Variants in DGKI observed in about 807,000 individuals in gnomAD.
DGKI encodes the protein DAG kinase iota.
A neutral mutation model predicts 147.5 loss-of-function variants in DGKI; 55 were observed. That is an observed-to-expected ratio of 0.37 (90% CI 0.30 to 0.47). DGKI has a LOEUF of 0.47. Ranked by LOEUF, DGKI falls within the 20% of genes least tolerant of loss-of-function variation. The pLI is 1.00. For missense variants in DGKI, 1,007 were observed against 1,323.8 expected (o/e 0.76, Z 3.71); for synonymous variants, 469 against 477.1 (o/e 0.98, Z 0.22).
In DGKI at chr7:137,418,231, T is replaced by C. The variant is rs1812430784; in HGVS notation, c.2762-6024A>G. 2.0e-5 allele frequency among the ~76,000 whole-genome samples: 3 copies of C among 152,196 alleles called. No homozygotes were observed. The South Asian group carries it at 6.2e-4, about 32-fold the overall frequency. ...TGCTATGACCTTGGGCAAGTTAGTT[T>C]ACCAAGCTCCAGTTCTATCAGTGGA... is the stretch of plus-strand genomic sequence containing the variant. On this transcript the variant is annotated intron_variant, in intron 28 of 32. Coordinates refer to ENST00000614521, the MANE Select transcript of DGKI (RefSeq NM_001321708.2).
chr7:137,553,314 T>C (rs1038529681), intron 19 of DGKI, among the ~76,000 whole-genome samples: 4 of 152,234 alleles, frequency 2.6e-5, no homozygotes, highest in Non-Finnish European at 4.4e-5. Context: ...CAAGTTTAAA[T>C]AGGTGTTTGC....
intron 28 of DGKI, among the ~76,000 whole-genome samples, chr7:137,437,164 C>T (rs1659368460): frequency 6.6e-6 from 1 of 152,076 alleles, no homozygotes; most frequent in African/African-American, 2.4e-5. Flanking sequence ...GTGCAGAAAG[C>T]ACCAGAAATA....
chr7:137,552,232 A>G (rs1045039736), intron 20 of DGKI, 137 bp downstream of exon 20: 2 of 797,006 alleles, frequency 2.5e-6, no homozygotes, highest in African/African-American at 1.7e-5. Context: ...TTCCTATGAG[A>G]GAAACCAAGG....
At chr7:137,567,607 C>T (rs551680960) in intron 19 of DGKI, among the ~76,000 whole-genome samples, 35 of 152,208 alleles carry the variant, frequency 2.3e-4, no homozygotes, top group African/African-American at 8.4e-4. Context: ...GGGGAAACTA[C>T]GGAGAGTTTA....
chr7:137,587,342 ATTC>A, intron 12 of DGKI, 132 bp from the exon 13 acceptor site: 3 of 631,742 alleles, frequency 4.7e-6, no homozygotes, highest in Non-Finnish European at 7.4e-6. Flanking sequence ...GTATGTTTTC[ATTC>A]AGTGAGTAGG....
At chr7:137,654,839 G>A (rs1223305631) in intron 4 of DGKI, 51 bp from the exon 5 acceptor site, 3 of 1,141,542 alleles carry the variant, frequency 2.6e-6, no homozygotes, top group African/African-American at 3.3e-5. Flanking sequence ...CATCAGACTA[G>A]ACTGAATTAC....
At chr7:137,681,915 C>A (rs1823249923) in intron 2 of DGKI, among the ~76,000 whole-genome samples, 1 of 152,272 alleles carries the variant, frequency 6.6e-6, no homozygotes. Context: ...AATGGGCAGT[C>A]AACGCTGTCT....
chr7:137,503,347 A>G lies in DGKI; in HGVS notation c.2249-15658T>C, dbSNP rs185678586. Among the ~76,000 whole-genome samples, 10 of 152,300 alleles carry G rather than the reference A, an allele frequency of 6.6e-5. No individual in the cohort carries two copies. In the East Asian group the frequency reaches 1.9e-3, roughly 29 times the overall value. On this transcript the variant is annotated intron_variant, in intron 21 of 32. Coordinates refer to ENST00000614521, the MANE Select transcript of DGKI (RefSeq NM_001321708.2). Reference sequence around the variant, plus strand: ...AAGATTATTACAGAAAATCACTGTGACTTGTTTTGCTATTAAAATTCTTAC... The same window carrying G: ...AAGATTATTACAGAAAATCACTGTGGCTTGTTTTGCTATTAAAATTCTTAC...
At chr7:137,472,275 T>C (rs866379508) in intron 23 of DGKI, among the ~76,000 whole-genome samples, 105 of 84,342 alleles carry the variant, frequency 1.2e-3, no homozygotes, top group South Asian at 2.1e-3. Context: ...TATATATACA[T>C]ATAATATTAT....
At chr7:137,660,771 G>C (rs572371264) in intron 3 of DGKI, among the ~76,000 whole-genome samples, 1 of 151,890 alleles carries the variant, frequency 6.6e-6, no homozygotes, top group Non-Finnish European at 1.5e-5. Flanking sequence ...GAGAGAGTTT[G>C]ATGGAGAAAA....
chr7:137,528,681 C>T (rs184922674), intron 20 of DGKI, among the ~76,000 whole-genome samples: 7 of 152,244 alleles, frequency 4.6e-5, no homozygotes, highest in Admixed American at 2.6e-4. Context: ...AAGCAATCTT[C>T]GATCTCATCT....
chr7:137,575,213 G>C (rs1302703096), intron 17 of DGKI, among the ~76,000 whole-genome samples: 1 of 152,148 alleles, frequency 6.6e-6, no homozygotes, highest in East Asian at 1.9e-4. Flanking sequence ...TTTACACCTA[G>C]TTATAATGAT....
intron 2 of DGKI, among the ~76,000 whole-genome samples, chr7:137,682,631 G>A (rs1203126520): frequency 6.6e-6 from 1 of 152,158 alleles, no homozygotes; most frequent in Non-Finnish European, 1.5e-5. Context: ...AAGACTGCTA[G>A]CCAGTCCTCA....
At chr7:137,447,241 G>A (rs934592130) in intron 27 of DGKI, among the ~76,000 whole-genome samples, 1 of 152,152 alleles carries the variant, frequency 6.6e-6, no homozygotes, top group African/African-American at 2.4e-5. Flanking sequence ...CTCCATTTAT[G>A]TTGATTCAAT....
rs907615384 is a variant in DGKI at position 137,381,429 on chromosome 7, C to T, written c.*9791G>A. 3.3e-5 allele frequency: 5 copies of T among 151,422 alleles called. No individual in the cohort carries two copies. The East Asian group carries it at 7.8e-4, about 24-fold the overall frequency. The allele number at this position is 151,422 out of a possible 1,614,324, so 9.4% of individuals were successfully genotyped here. A position where few individuals can be genotyped will look rare whatever the true frequency, so the allele number is the denominator to read the frequency against. On this transcript the variant is annotated 3_prime_UTR_variant, in exon 33 of 33. Coordinates refer to ENST00000614521, the MANE Select transcript of DGKI (RefSeq NM_001321708.2). ...CTGCCAGCTGGCAGCTTTGCAAAAG[C>T]ATGGCTCTGGGATGTGATAGGGCAG...
Position 137,571,310 on chromosome 7 carries a change from A to G in DGKI, c.1836-24T>C, listed in dbSNP as rs555573249. 3 of 1,519,336 alleles carry G rather than the reference A, an allele frequency of 2.0e-6. No individual in the cohort carries two copies. In the African/African-American group the frequency reaches 4.1e-5, roughly 21 times the overall value. The allele number at this position is 1,519,336 out of a possible 1,614,324, so 94.1% of individuals were successfully genotyped here. On this transcript the variant is annotated intron_variant, in intron 18 of 32. Transcript: ENST00000614521. ...ATCTGCAAGAGAAGATTAAAGACAG[A>G]AGTAAATATGTCCCATCCTTCTCAT...
At chr7:137,442,144 G>A (rs1282072230) in intron 28 of DGKI, among the ~76,000 whole-genome samples, 5 of 152,000 alleles carry the variant, frequency 3.3e-5, no homozygotes, top group Non-Finnish European at 7.4e-5. Flanking sequence ...CAAACTAAGA[G>A]GTATGAACAT....
intron 2 of DGKI, among the ~76,000 whole-genome samples, chr7:137,689,165 T>C (rs1194602679): frequency 6.6e-6 from 1 of 152,208 alleles, no homozygotes; most frequent in African/African-American, 2.4e-5. Flanking sequence ...AGGTTCATCA[T>C]CAGGGAAGGC....
chr7:137,509,144 T>C (rs534666668), intron 21 of DGKI, among the ~76,000 whole-genome samples: 9 of 152,308 alleles, frequency 5.9e-5, no homozygotes, highest in Admixed American at 3.9e-4. Flanking sequence ...AATAATCAGA[T>C]ACAATGGGTT....
Sources: gnomAD v4.1 joint callset for allele counts (sites outside exome capture counted in the v4.1 genomes callset) on GRCh38, gnomAD v4.1.1 for gene constraint, MANE v1.5 for transcripts, NCBI Gene and HGNC (gene_info 2026-07-23, HGNC 2026-07-21) for gene names.